The following ALDH16A1 variants were observed in gnomAD, a reference collection of about 807,000 sequenced individuals.
ALDH16A1 encodes the protein aldehyde dehydrogenase family 16 member A1.
Under a neutral mutation model 96.1 loss-of-function variants are expected in ALDH16A1, and 88 were observed. The ratio of observed to expected loss-of-function variants is 0.92; its 90% CI spans 0.77 to 1.09. ALDH16A1 has a LOEUF of 1.09. ALDH16A1 is among the 50% of genes least tolerant of loss of function. ALDH16A1 has a pLI of 0.00. For synonymous variants in ALDH16A1, 522 were observed against 496.4 expected, an observed-to-expected ratio of 1.05 and a Z score of -0.69; for missense variants, 1,250 against 1,112.6, an observed-to-expected ratio of 1.12 and a Z score of -1.76.
chr19:49,454,021 T>A (rs549546649), intron 1 of ALDH16A1, among the ~76,000 whole-genome samples: 1 of 94,864 alleles, frequency 1.1e-5, no homozygotes, highest in Non-Finnish European at 2.3e-5. Context: ...TTGGGTTGGG[T>A]TTTTTTTTTG....
At position 49,461,701 on chromosome 19, in the gene ALDH16A1, C is replaced by T. The variant is rs1309064355; in HGVS notation, c.660C>T (p.Phe220=). The part of the protein sequence containing the change: ...LAQLAGELGP[F]PGILNVLSGP... ...AGCTGGCGGGGGAGCTGGGCCCCTT[C>T]CCGGGAATCCTGAATGTCCTCAGTG... Residue 220 remains phenylalanine, a synonymous_variant, in exon 6 of 17, where the codon TTC becomes TTT. Coordinates refer to ENST00000293350, the MANE Select transcript of ALDH16A1 (RefSeq NM_153329.4). The T allele has an allele frequency of 6.2e-7, 1 of 1,609,108 alleles. No individual in the cohort carries two copies. Among genetic ancestry groups the T allele is most frequent in the Non-Finnish European group, 8.5e-7 (1 of 1,177,942 alleles).
In ALDH16A1 at chr19:49,458,716, C is replaced by A; in HGVS notation, c.193+128C>A. Reference sequence around the variant, plus strand: ...ACAGCTGGTGGTGGGAGATGGGCTGCGATGTCTGGTTCCTTCTGAAACCAG... The same window carrying A: ...ACAGCTGGTGGTGGGAGATGGGCTGAGATGTCTGGTTCCTTCTGAAACCAG... On this transcript the variant is annotated intron_variant, in intron 2 of 16. Transcript: ENST00000293350. The A allele has an allele frequency of 2.6e-5, 30 of 1,134,448 alleles. 2 individuals are homozygous for A. The South Asian group carries it at 4.3e-4, about 16-fold the overall frequency. The allele number at this position is 1,134,448 out of a possible 1,614,324, so 70.3% of individuals were successfully genotyped here. A position where few individuals can be genotyped will look rare whatever the true frequency, so the allele number is the denominator to read the frequency against.
rs7259560 is a variant in ALDH16A1, at chr19:49,461,916, A to T, written c.792A>T (p.Gly264=). 0.39 allele frequency: 618,439 copies of T among 1,573,870 alleles called. 126,136 individuals are homozygous for T. Among genetic ancestry groups the T allele is most frequent in the Middle Eastern group, 0.54 (3,193 of 5,956 alleles). The change falls in exon 7 of 17, where the codon GGA becomes GGT. Residue 264 remains glycine, a synonymous_variant. Coordinates refer to ENST00000293350, the MANE Select transcript of ALDH16A1 (RefSeq NM_153329.4). ...GTGCCCTTCGACGGAGCCTGGCGGG[A>T]GAGTGTGCGGAGCTGGGCCTGGCGC... ...EGRALRRSLA[G]ECAELGLALG...
Position 49,464,146 on chromosome 19 carries a change from T to C in ALDH16A1, c.1214T>C (p.Val405Ala). 2 of 1,608,690 alleles carry C rather than the reference T, an allele frequency of 1.2e-6. No individual in the cohort carries two copies. Among genetic ancestry groups the C allele is most frequent in the Non-Finnish European group, 1.7e-6 (2 of 1,179,340 alleles). ...TTGCAGGTGCCGTGGCCTGTGGTCGTGGCCTCCCCCTTCCGCACAGCCAAG... is the reference window on the plus strand; with the variant it reads ...TTGCAGGTGCCGTGGCCTGTGGTCGCGGCCTCCCCCTTCCGCACAGCCAAG... The part of the protein sequence containing the change: ...AQVEVPWPVV[V>A]ASPFRTAKEA... Residue 405 changes from valine to alanine, a missense_variant, in exon 10 of 17, where the codon GTG becomes GCG. Physicochemically the swap from Val to Ala is moderately conservative, Grantham distance 64 (BLOSUM62 0). Transcript: ENST00000293350.
rs957495847 is a variant in ALDH16A1 at position 49,464,228 on chromosome 19, C to T, written c.1296C>T (p.Ser432=). 8 of 1,604,268 alleles carry T rather than the reference C, an allele frequency of 5.0e-6. No homozygotes were observed. Among genetic ancestry groups the T allele is most frequent in the East Asian group, 4.5e-5 (2 of 44,812 alleles). Residue 432 remains serine (S), a synonymous_variant, in exon 10 of 17, where the codon AGC becomes AGT. Transcript: ENST00000293350. The part of the protein sequence containing the change: ...TPRGGSASVW[S]ERLGQALELG... ...GCGGGGGCAGCGCCAGTGTGTGGAG[C>T]GAGAGGCTGGGGCAGGCGCTGGAGC...
intron 12 of ALDH16A1, 60 bp from the exon 13 acceptor site, chr19:49,465,678 G>A (rs1209253902): frequency 2.6e-6 from 4 of 1,541,818 alleles, no homozygotes; most frequent in Non-Finnish European, 3.5e-6. Flanking sequence ...GTGCGGTAGA[G>A]CATAGGGTCT....
rs959067571 is a variant in ALDH16A1, at chr19:49,459,413, A to G, written c.321-257A>G. On this transcript the variant is annotated intron_variant, in intron 3 of 16. Coordinates refer to ENST00000293350, the MANE Select transcript of ALDH16A1 (RefSeq NM_153329.4). The surrounding 1 kb of genome is among the most constrained non-coding windows in gnomAD (Gnocchi z 4.1). ...CAAAAATTCCATTTCCCAAAACGCAATTGAGGTTAGAAGCTAAGACTCAAT... is the reference window on the plus strand; with the variant it reads ...CAAAAATTCCATTTCCCAAAACGCAGTTGAGGTTAGAAGCTAAGACTCAAT... 2.6e-5 allele frequency among the ~76,000 whole-genome samples: 4 copies of G among 152,172 alleles called. No individual in the cohort carries two copies. Among genetic ancestry groups the G allele is most frequent in the African/African-American group, 4.8e-5 (2 of 41,444 alleles).
chr19:49,465,967 A>G (rs1353391566), intron 13 of ALDH16A1, 62 bp downstream of exon 13: 5 of 1,568,686 alleles, frequency 3.2e-6, no homozygotes, highest in Non-Finnish European at 4.3e-6. Context: ...GCCTGCCCAC[A>G]GCAATTGGTG....
chr19:49,457,606 G>A lies in ALDH16A1; in HGVS notation c.91-880G>A, dbSNP rs570727738. ...GGAGGAGATGTGGTGAGTGAGATGT[G>A]GTAAAAAAATTTTTTTTCTTTGAGA... On this transcript the variant is annotated intron_variant, in intron 1 of 16. Transcript: ENST00000293350. 2.7e-4 allele frequency among the ~76,000 whole-genome samples: 40 copies of A among 150,692 alleles called. 1 individual carries two copies. The South Asian group carries it at 8.0e-3, about 30-fold the overall frequency.
chr19:49,464,894 G>A (rs2079185708), intron 12 of ALDH16A1, 132 bp downstream of exon 12: 3 of 1,410,352 alleles, frequency 2.1e-6, no homozygotes, highest in Non-Finnish European at 2.9e-6. Context: ...GTACCACGTT[G>A]TGGCCTCACA....
At chr19:49,460,227 CTTT>C (rs1465987180) in intron 4 of ALDH16A1, among the ~76,000 whole-genome samples, 1 of 151,648 alleles carries the variant, frequency 6.6e-6, no homozygotes, top group African/African-American at 2.4e-5. Flanking sequence ...CATTCTTTTT[CTTT>C]TGTTTTTGTT....
chr19:49,465,251 C>T (rs1254965438), intron 12 of ALDH16A1, among the ~76,000 whole-genome samples: 4 of 149,588 alleles, frequency 2.7e-5, no homozygotes, highest in African/African-American at 9.9e-5. Context: ...CTCATGGGAG[C>T]AGAAGCTTTG....
In ALDH16A1 at chr19:49,468,833, T is replaced by G. The variant is rs2079221448; in HGVS notation, c.2125-31T>G. 6.3e-7 allele frequency: 1 copy of G among 1,597,066 alleles called. No individual in the cohort carries two copies. Among genetic ancestry groups the G allele is most frequent in the Non-Finnish European group, 8.5e-7 (1 of 1,170,592 alleles). ...CACTCCTTGCCCTGCCCCCACGGCCTCCCCAACCTTTCACTCTCTCTATCC... is the reference window on the plus strand; with the variant it reads ...CACTCCTTGCCCTGCCCCCACGGCCGCCCCAACCTTTCACTCTCTCTATCC... On this transcript the variant is annotated intron_variant, in intron 15 of 16. Coordinates refer to ENST00000293350, the MANE Select transcript of ALDH16A1 (RefSeq NM_153329.4). This position sits in a 1 kb window ranked among gnomAD's most constrained non-coding sequence, Gnocchi z 4.4.
Position 49,466,067 on chromosome 19 carries a change from G to A in ALDH16A1, c.1737-15G>A, listed in dbSNP as rs777413959. On this transcript the variant is annotated splice_polypyrimidine_tract_variant and intron_variant, in intron 13 of 16. Coordinates refer to ENST00000293350, the MANE Select transcript of ALDH16A1 (RefSeq NM_153329.4). ...ACCAGGATGCCAACCCCCACTGTGC[G>A]CTGTCTGCCCACAGCTGGGCGGGCC... 1.8e-5 allele frequency: 27 copies of A among 1,540,468 alleles called. No individual in the cohort carries two copies. Among genetic ancestry groups the A allele is most frequent in the South Asian group, 7.1e-5 (6 of 84,024 alleles).
intron 6 of ALDH16A1, 41 bp from the exon 7 acceptor site, chr19:49,461,843 C>A (rs751999056): frequency 2.5e-6 from 4 of 1,599,332 alleles, no homozygotes; most frequent in East Asian, 2.3e-5. Context: ...GGCTGGGGGC[C>A]GCAAGGCTCC....
Position 49,464,449 on chromosome 19 carries a change from A to G in ALDH16A1, c.1364A>G (p.His455Arg). Residue 455 changes from histidine (H) to arginine (R), a missense_variant, in exon 11 of 17, where the codon CAC becomes CGC. By Grantham distance (29) the His-to-Arg change is conservative. Transcript: ENST00000293350. The part of the protein sequence containing the change: ...LQVGTVWINA[H>R]GLRDPSVPTG... ...GTGGGCACTGTCTGGATCAACGCCCACGGCCTCAGAGACCCTTCGGTGCCC... is the reference window on the plus strand; with the variant it reads ...GTGGGCACTGTCTGGATCAACGCCCGCGGCCTCAGAGACCCTTCGGTGCCC... 1.2e-6 allele frequency: 2 copies of G among 1,609,816 alleles called. No individual in the cohort carries two copies. The highest frequency in any genetic ancestry group is 1.7e-6 in the Non-Finnish European group (2 of 1,178,384).
chr19:49,456,977 G>A (rs372353459), intron 1 of ALDH16A1, among the ~76,000 whole-genome samples: 3 of 151,890 alleles, frequency 2.0e-5, no homozygotes, highest in East Asian at 3.9e-4. Flanking sequence ...GCATGGTGGC[G>A]GCCGCCTGTA....
At chr19:49,464,061 C>T in intron 9 of ALDH16A1, 66 bp from the exon 10 acceptor site, 2 of 1,580,494 alleles carry the variant, frequency 1.3e-6, no homozygotes, top group Middle Eastern at 1.7e-4. Context: ...GGGCTGCTGC[C>T]TGCTCTAGGC....
At position 49,461,140 on chromosome 19, in the gene ALDH16A1, G is replaced by A. The variant is rs113304117; in HGVS notation, c.577+241G>A. Among the ~76,000 whole-genome samples the A allele has an allele frequency of 4.4e-4, 60 of 136,908 alleles. 1 individual carries two copies. The highest frequency in any genetic ancestry group is 1.5e-3 in the African/African-American group (52 of 34,060). 89.8% of individuals were successfully genotyped at this position (136,908 alleles called of 152,430 possible). A position where few individuals can be genotyped will look rare whatever the true frequency, so the allele number is the denominator to read the frequency against. ...GGACTCCTGAGTCTGAGGGAGGAGG[G>A]GCTGGAGTCTGGACTCCTGGGTCTG... On this transcript the variant is annotated intron_variant, in intron 5 of 16. Transcript: ENST00000293350.
Sources: allele counts gnomAD v4.1 joint callset (sites outside exome capture counted in the v4.1 genomes callset), GRCh38; gene constraint gnomAD v4.1.1; non-coding constraint Gnocchi (gnomAD v3.1); transcripts MANE v1.5; gene names NCBI Gene and HGNC (gene_info 2026-07-23, HGNC 2026-07-21).